IGSF11: variants seen among roughly 807,000 people sequenced by gnomAD.
IGSF11 encodes the protein CXADR like 1.
A neutral mutation model predicts 41.0 loss-of-function variants in IGSF11; 22 were observed. The observed-to-expected ratio is 0.54, with a 90% CI of 0.38 to 0.77. IGSF11 has a LOEUF of 0.77. IGSF11 is among the 30% of genes least tolerant of loss of function. The pLI, the probability that IGSF11 is intolerant of heterozygous loss-of-function variation, is 0.00. For missense variants in IGSF11, 444 were observed against 530.8 expected (o/e 0.84, Z 1.61); for synonymous variants, 219 against 201.3 (o/e 1.09, Z -0.74).
At chr3:118,993,196 C>T (rs913853739) in intron 1 of IGSF11, among the ~76,000 whole-genome samples, 1 of 152,130 alleles carries the variant, frequency 6.6e-6, no homozygotes, top group African/African-American at 2.4e-5. Flanking sequence ...CCACTGCACT[C>T]CAGCCTGGGC....
intron 1 of IGSF11, among the ~76,000 whole-genome samples, chr3:119,047,675 C>T (rs1941422615): frequency 6.6e-6 from 1 of 152,120 alleles, no homozygotes; most frequent in Non-Finnish European, 1.5e-5. Flanking sequence ...ACTCTCCACC[C>T]CAAATCAACA....
intron 1 of IGSF11, among the ~76,000 whole-genome samples, chr3:118,997,904 T>C (rs749372405): frequency 6.6e-6 from 1 of 152,098 alleles, no homozygotes; most frequent in Non-Finnish European, 1.5e-5. Context: ...AACTTCCAGG[T>C]TTCTAATAAG....
intron 3 of IGSF11, among the ~76,000 whole-genome samples, chr3:118,927,962 A>C (rs1942478934): frequency 6.6e-6 from 1 of 152,170 alleles, no homozygotes; most frequent in Admixed American, 6.5e-5. Context: ...GGGAAAAAAA[A>C]CCTAAATCTA....
At chr3:119,109,929 G>C (rs371295209), upstream of IGSF11, among the ~76,000 whole-genome samples, 290 of 152,222 alleles carry the variant, frequency 1.9e-3, 2 homozygotes, top group South Asian at 0.033. Flanking sequence ...CTGAGTTCTA[G>C]TTTGATTGCA....
At chr3:119,099,249 T>G (rs554232315) in intron 1 of IGSF11, among the ~76,000 whole-genome samples, 1 of 152,282 alleles carries the variant, frequency 6.6e-6, no homozygotes, top group East Asian at 1.9e-4. Context: ...CACAAAGAGT[T>G]CTCAATTCAA....
Position 119,034,844 on chromosome 3 carries a change from A to G in IGSF11, c.-262T>C. On this transcript the variant is annotated 5_prime_UTR_variant, in exon 1 of 7. Transcript: ENST00000393775. ...CCGTGCCACCCAGCCCTGCCCCAGG[A>G]CTAGCCGACCCCTCGCGCAGTCCGG... 1.6e-6 allele frequency: 2 copies of G among 1,226,562 alleles called. No homozygotes were observed. 76.0% of individuals were successfully genotyped at this position (1,226,562 alleles called of 1,614,324 possible).
intron 1 of IGSF11, among the ~76,000 whole-genome samples, chr3:119,000,060 ATTC>A (rs1936658994): frequency 8.2e-6 from 1 of 122,168 alleles, no homozygotes; most frequent in African/African-American, 3.3e-5. Context: ...AAGATTCATT[ATTC>A]TTTTTTTTTT....
upstream of IGSF11, among the ~76,000 whole-genome samples, chr3:119,108,142 G>A (rs1397264742): frequency 5.1e-4 from 77 of 150,960 alleles, no homozygotes; most frequent in Admixed American, 2.6e-3. Flanking sequence ...TTGGTAGCTT[G>A]ATGGGGATGA....
At chr3:119,134,846 T>C (rs186806598) in intron 1 of IGSF11, among the ~76,000 whole-genome samples, 3 of 152,136 alleles carry the variant, frequency 2.0e-5, no homozygotes, top group Middle Eastern at 6.8e-3. Flanking sequence ...CATACACAGA[T>C]ACACAGACCA....
At chr3:119,116,835 T>G (rs771926731) in intron 1 of IGSF11, among the ~76,000 whole-genome samples, 15 of 152,174 alleles carry the variant, frequency 9.9e-5, no homozygotes, top group Admixed American at 3.3e-4. Context: ...TGTCTCCACC[T>G]GGACCTGATG....
rs1166000590 is a variant in IGSF11, at chr3:118,918,304, G to C, written c.580+7797C>G. 5.4e-5 allele frequency among the ~76,000 whole-genome samples: 6 copies of C among 110,962 alleles called. No homozygotes were observed. The East Asian group carries it at 1.5e-3, about 28-fold the overall frequency. The allele number at this position is 110,962 out of a possible 152,430, so 72.8% of individuals were successfully genotyped here. ...AATAAAAGGTATTCAATTAGGAAAA[G>C]AGGAAGTCAAATTGTCCCTGTTTGC... On this transcript the variant is annotated intron_variant, in intron 4 of 6. Transcript: ENST00000393775.
At chr3:119,120,455 A>C (rs1010499160) in intron 1 of IGSF11, among the ~76,000 whole-genome samples, 2 of 152,164 alleles carry the variant, frequency 1.3e-5, no homozygotes, top group Non-Finnish European at 2.9e-5. Flanking sequence ...TTTAATAGGC[A>C]AAAAAGAAGA....
intron 1 of IGSF11, among the ~76,000 whole-genome samples, chr3:118,956,172 G>T (rs1014872685): frequency 1.3e-5 from 2 of 152,114 alleles, no homozygotes; most frequent in Non-Finnish European, 2.9e-5. Flanking sequence ...TTAGGGCACT[G>T]CTCTAGATTA....
At chr3:118,919,357 T>G (rs1289304903) in intron 4 of IGSF11, among the ~76,000 whole-genome samples, 481 of 115,732 alleles carry the variant, frequency 4.2e-3, no homozygotes, top group African/African-American at 8.4e-3. Flanking sequence ...CACAACCTAC[T>G]CATCTGACAA....
chr3:118,948,342 G>A (rs989647089), intron 1 of IGSF11: 2 of 152,134 alleles, frequency 1.3e-5, no homozygotes, highest in Non-Finnish European at 2.9e-5. Flanking sequence ...GCTGGGGCAC[G>A]GCAGGTCTCA....
chr3:119,078,018 A>C (rs1018947295), intron 1 of IGSF11, among the ~76,000 whole-genome samples: 1 of 152,182 alleles, frequency 6.6e-6, no homozygotes, highest in Admixed American at 6.5e-5. Context: ...AGAAATCAGC[A>C]ATGGCACAAA....
rs534264824 is a variant in IGSF11, at chr3:118,967,023, T to C, written c.53-36748A>G. ...GGAAAGGAGAAGAAAGAAAAAAAGATACACCTTCCAAAGTAAACTCAGAAT... is the reference window on the plus strand; with the variant it reads ...GGAAAGGAGAAGAAAGAAAAAAAGACACACCTTCCAAAGTAAACTCAGAAT... On this transcript the variant is annotated intron_variant, in intron 1 of 6. Transcript: ENST00000393775. Among the ~76,000 whole-genome samples, 4 of 152,250 alleles carry C rather than the reference T, an allele frequency of 2.6e-5. No homozygotes were observed. The East Asian group carries it at 7.7e-4, about 29-fold the overall frequency.
chr3:119,034,752 T>C lies in IGSF11; in HGVS notation c.-170A>G, dbSNP rs1488050222. Reference sequence around the variant, plus strand: ...CTGTCAGACCCACAGACGAGCCAAGTGCAGCTGCAGCGCCGCCCGGCTCCG... The same window carrying C: ...CTGTCAGACCCACAGACGAGCCAAGCGCAGCTGCAGCGCCGCCCGGCTCCG... On this transcript the variant is annotated 5_prime_UTR_variant, in exon 1 of 7. Coordinates refer to ENST00000393775, the MANE Select transcript of IGSF11 (RefSeq NM_001015887.3). The C allele has an allele frequency of 7.6e-7, 1 of 1,321,108 alleles. No homozygotes were observed. The highest frequency in any genetic ancestry group is 3.8e-5 in the Admixed American group (1 of 26,396). 81.8% of individuals were successfully genotyped at this position (1,321,108 alleles called of 1,614,324 possible). A position where few individuals can be genotyped will look rare whatever the true frequency, so the allele number is the denominator to read the frequency against.
At chr3:119,114,838 G>T (rs746116034) in intron 1 of IGSF11, among the ~76,000 whole-genome samples, 1 of 152,174 alleles carries the variant, frequency 6.6e-6, no homozygotes, top group Non-Finnish European at 1.5e-5. Flanking sequence ...CTAACACTGG[G>T]TAATTTATAG....
Sources: gnomAD v4.1 joint callset for allele counts (sites outside exome capture counted in the v4.1 genomes callset) on GRCh38, gnomAD v4.1.1 for gene constraint, MANE v1.5 for transcripts, NCBI Gene and HGNC (gene_info 2026-07-23, HGNC 2026-07-21) for gene names.